The following CTDP1 variants were observed in gnomAD, a reference collection of about 807,000 sequenced individuals.
The protein encoded by CTDP1 is RNA polymerase II subunit A C-terminal domain phosphatase.
In CTDP1, 47 loss-of-function variants were observed where a neutral mutation model predicts 91.8. That is an observed-to-expected ratio of 0.51 (90% CI 0.41 to 0.65). The LOEUF (loss-of-function observed/expected upper bound fraction) is 0.65. Among genes scored for constraint, CTDP1 ranks in the 30% least tolerant of loss-of-function variants. CTDP1 has a pLI of 0.00. For synonymous variants in CTDP1, 656 were observed against 598.5 expected (o/e 1.10, Z -1.40); for missense variants, 1,272 against 1,373.7 (o/e 0.93, Z 1.17).
upstream of CTDP1, chr18:79,679,177 A>G: frequency 3.1e-6 from 1 of 327,750 alleles, no homozygotes; most frequent in South Asian, 2.2e-5. Flanking sequence ...AGACGGGCCC[A>G]CCGCCTGCGC....
intron 4 of CTDP1, among the ~76,000 whole-genome samples, chr18:79,700,373 A>G (rs2085833740): frequency 1.3e-5 from 2 of 152,246 alleles, no homozygotes; most frequent in Non-Finnish European, 2.9e-5. Context: ...TAAAAATACT[A>G]CTTCAGTGAA....
At chr18:79,685,619 G>C (rs961388503) in intron 1 of CTDP1, 4 of 152,294 alleles carry the variant, frequency 2.6e-5, no homozygotes, top group Non-Finnish European at 5.9e-5. Flanking sequence ...TGTCTTTATT[G>C]CTTTGTAGAT....
chr18:79,736,093 C>T, intron 11 of CTDP1: 5 of 559,144 alleles, frequency 8.9e-6, no homozygotes, highest in Middle Eastern at 9.7e-4. Flanking sequence ...TCCCTGTTCA[C>T]ATAAGGGACA....
At chr18:79,707,359 C>G (rs1317994982) in intron 5 of CTDP1, among the ~76,000 whole-genome samples, 1 of 152,230 alleles carries the variant, frequency 6.6e-6, no homozygotes, top group Non-Finnish European at 1.5e-5. Context: ...CTCGCAGATT[C>G]AGCAGAGCAT....
At chr18:79,711,395 G>C (rs904959635) in intron 6 of CTDP1, among the ~76,000 whole-genome samples, 2 of 152,136 alleles carry the variant, frequency 1.3e-5, no homozygotes, top group Non-Finnish European at 2.9e-5. Context: ...TTTTGCCTCT[G>C]AGTATCCAGG....
intron 10 of CTDP1, among the ~76,000 whole-genome samples, chr18:79,725,408 G>C (rs2086426228): frequency 6.6e-6 from 1 of 152,058 alleles, no homozygotes; most frequent in Admixed American, 6.5e-5. Flanking sequence ...ATTTTTGCAA[G>C]GTTTAAAATT....
intron 4 of CTDP1, among the ~76,000 whole-genome samples, chr18:79,699,182 A>G (rs370036345): frequency 2.0e-5 from 3 of 152,232 alleles, no homozygotes; most frequent in East Asian, 1.9e-4. Context: ...ACAGCAGTCT[A>G]TTCTTCTGTG....
At chr18:79,749,502 G>A (rs1232021534) in intron 12 of CTDP1, among the ~76,000 whole-genome samples, 1 of 2,448 alleles carries the variant, frequency 4.1e-4, no homozygotes, top group African/African-American at 4.2e-4. Context: ...TGAGGGTCGC[G>A]CCCCGTGCAC....
At chr18:79,731,379 C>A (rs1231000950) in intron 11 of CTDP1, among the ~76,000 whole-genome samples, 1 of 152,192 alleles carries the variant, frequency 6.6e-6, no homozygotes, top group Non-Finnish European at 1.5e-5. Flanking sequence ...CCAAGAGTAG[C>A]ACCTGCCGTG....
intron 1 of CTDP1, among the ~76,000 whole-genome samples, chr18:79,688,006 T>C (rs905022009): frequency 6.6e-6 from 1 of 152,230 alleles, no homozygotes; most frequent in African/African-American, 2.4e-5. Flanking sequence ...GTGTGCAGTG[T>C]TGGGAATCAG....
chr18:79,705,674 G>T (rs768216004), intron 5 of CTDP1, among the ~76,000 whole-genome samples: 1 of 152,256 alleles, frequency 6.6e-6, no homozygotes, highest in Non-Finnish European at 1.5e-5. Flanking sequence ...TGTAGGCGCC[G>T]AGTGGCAGTG....
rs1785006039 is a variant in CTDP1, at chr18:79,753,888, C to A, written c.*98C>A. On this transcript the variant is annotated 3_prime_UTR_variant, in exon 13 of 13. Transcript: ENST00000613122. ...AGTCTCGGTCCACGCTGCTTTCTTC[C>A]CAAAGGACATGTATATTTGCAGAGC... 18 of 1,475,070 alleles carry A rather than the reference C, an allele frequency of 1.2e-5. No homozygotes were observed. Among genetic ancestry groups the A allele is most frequent in the African/African-American group, 2.8e-5 (2 of 71,832 alleles). The allele number at this position is 1,475,070 out of a possible 1,614,324, so 91.4% of individuals were successfully genotyped here.
intron 6 of CTDP1, among the ~76,000 whole-genome samples, chr18:79,711,885 G>A (rs894833523): frequency 2.4e-5 from 3 of 124,210 alleles, no homozygotes; most frequent in South Asian, 2.8e-4. Flanking sequence ...ATTTCCACCC[G>A]GAAGTCCGTC....
chr18:79,682,687 A>G (rs1237353045), intron 1 of CTDP1, among the ~76,000 whole-genome samples: 1 of 152,210 alleles, frequency 6.6e-6, no homozygotes, highest in Non-Finnish European at 1.5e-5. Context: ...TTTCTGGATC[A>G]GTGGGTTCTC....
chr18:79,716,260 C>T (rs536013092), intron 8 of CTDP1, among the ~76,000 whole-genome samples: 4 of 152,320 alleles, frequency 2.6e-5, no homozygotes, highest in East Asian at 3.9e-4. Context: ...GCCCCGCCTC[C>T]GGGGCTCAGG....
rs776317449 is a variant in CTDP1, at chr18:79,736,383, ACGACAG to A, written c.2619_2624del (p.Asp873_Ser874del). The A allele has an allele frequency of 1.8e-4, 279 of 1,549,236 alleles. No individual in the cohort carries two copies. Among genetic ancestry groups the A allele is most frequent in the Non-Finnish European group, 2.3e-4 (263 of 1,147,004 alleles). ...GACGACATCCTTGGAGAAGGCAGCGACGACAGCGACAGCGAGAAGAGGAGGCCTGAG... is the reference window on the plus strand; with the variant it reads ...GACGACATCCTTGGAGAAGGCAGCGACGACAGCGAGAAGAGGAGGCCTGAG... On this transcript the variant is annotated inframe_deletion, in exon 12 of 13. Coordinates refer to ENST00000613122, the MANE Select transcript of CTDP1 (RefSeq NM_004715.5).
At chr18:79,689,183 A>T (rs1197304206) in intron 1 of CTDP1, among the ~76,000 whole-genome samples, 4 of 152,104 alleles carry the variant, frequency 2.6e-5, no homozygotes, top group Non-Finnish European at 5.9e-5. Flanking sequence ...TTCTTTCTGT[A>T]TCATTGCCTG....
intron 12 of CTDP1, among the ~76,000 whole-genome samples, chr18:79,736,770 G>A (rs555271501): frequency 1.3e-5 from 2 of 151,566 alleles, no homozygotes; most frequent in South Asian, 2.1e-4. Context: ...GTACATCTGC[G>A]CAGGCGTGTG....
chr18:79,707,387 G>A (rs867498311), intron 5 of CTDP1, among the ~76,000 whole-genome samples: 1 of 152,242 alleles, frequency 6.6e-6, no homozygotes, highest in Admixed American at 6.5e-5. Context: ...GACATCCGCA[G>A]GCCTCTGAGC....
Sources: allele counts gnomAD v4.1 joint callset (sites outside exome capture counted in the v4.1 genomes callset), GRCh38; gene constraint gnomAD v4.1.1; transcripts MANE v1.5; gene names NCBI Gene and HGNC (gene_info 2026-07-23, HGNC 2026-07-21).